Variants in TENM4 observed in about 807,000 individuals in gnomAD.
TENM4 encodes teneurin-4.
A neutral mutation model predicts 243.3 loss-of-function variants in TENM4; 82 were observed. That is an observed-to-expected ratio of 0.34 (90% CI 0.28 to 0.40). TENM4 has a LOEUF of 0.40. TENM4 is among the 10% of genes least tolerant of loss of function. The pLI is 1.00. For missense variants in TENM4, 3,138 were observed against 3,673.3 expected, an observed-to-expected ratio of 0.85 and a Z score of 3.77; for synonymous variants, 1,412 against 1,456.3, an observed-to-expected ratio of 0.97 and a Z score of 0.69.
chr11:79,013,244 C>T (rs1024125921), intron 6 of TENM4, among the ~76,000 whole-genome samples: 2 of 152,150 alleles, frequency 1.3e-5, no homozygotes, highest in African/African-American at 4.8e-5. Flanking sequence ...GACTATCCTC[C>T]ACCCATTTCC....
chr11:78,898,348 G>A (rs11237651), intron 7 of TENM4, among the ~76,000 whole-genome samples: 4,107 of 152,300 alleles, frequency 0.027, 191 homozygotes, highest in African/African-American at 0.094. Context: ...TCTACCAGCT[G>A]TTATAGTATT....
intron 3 of TENM4, among the ~76,000 whole-genome samples, chr11:79,210,252 T>C (rs972367229): frequency 2.6e-5 from 4 of 152,224 alleles, no homozygotes; most frequent in Non-Finnish European, 5.9e-5. Context: ...ATAATCTCTG[T>C]CACCAGTACC....
intron 6 of TENM4, among the ~76,000 whole-genome samples, chr11:78,997,206 T>A (rs182134906): frequency 6.6e-6 from 1 of 152,314 alleles, no homozygotes; most frequent in East Asian, 1.9e-4. Context: ...GACTTCATCA[T>A]TAGGAAAGTG....
chr11:78,899,571 G>GGGGGAAGAA (rs1565430077), intron 7 of TENM4, among the ~76,000 whole-genome samples: 1 of 79,378 alleles, frequency 1.3e-5, no homozygotes, highest in African/African-American at 4.2e-5. Context: ...GGGGGGGGGG[G>GGGGGAAGAA]AAAAAGAAAA....
intron 15 of TENM4, among the ~76,000 whole-genome samples, chr11:78,789,614 G>T (rs1006730416): frequency 1.1e-4 from 16 of 152,134 alleles, no homozygotes; most frequent in African/African-American, 2.2e-4. Flanking sequence ...CAGCACTTTT[G>T]CCAGGTGGTG....
At chr11:79,116,330 G>A (rs1171406064) in intron 4 of TENM4, among the ~76,000 whole-genome samples, 1 of 152,204 alleles carries the variant, frequency 6.6e-6, no homozygotes, top group Non-Finnish European at 1.5e-5. Context: ...TAAGTAGCTT[G>A]CTCAAACTCA....
chr11:78,666,943 C>T (rs950194888), intron 32 of TENM4, among the ~76,000 whole-genome samples: 1 of 151,958 alleles, frequency 6.6e-6, no homozygotes, highest in African/African-American at 2.4e-5. Context: ...TGGAAAGATG[C>T]AATGTTTTTT....
At chr11:78,661,234 C>G (rs1392298123) in intron 33 of TENM4, among the ~76,000 whole-genome samples, 1 of 152,226 alleles carries the variant, frequency 6.6e-6, no homozygotes, top group Non-Finnish European at 1.5e-5. Flanking sequence ...AAGCTCCTTA[C>G]TGCAGCTTGT....
At chr11:78,726,348 G>T (rs1310979835) in intron 22 of TENM4, 126 bp from the exon 23 acceptor site, 11 of 1,195,046 alleles carry the variant, frequency 9.2e-6, no homozygotes, top group Non-Finnish European at 1.3e-5. Context: ...ATTTCTAAGT[G>T]GCAACCAGAA....
chr11:79,292,583 T>C (rs886842842), intron 2 of TENM4, among the ~76,000 whole-genome samples: 2 of 152,218 alleles, frequency 1.3e-5, no homozygotes, highest in Non-Finnish European at 2.9e-5. Context: ...TGGATTTGAA[T>C]GGTAGCTTCC....
intron 1 of TENM4, among the ~76,000 whole-genome samples, chr11:79,370,569 A>G (rs958620173): frequency 1.3e-5 from 2 of 152,096 alleles, no homozygotes; most frequent in Admixed American, 6.5e-5. Flanking sequence ...AGGAGAAAAA[A>G]CAAAACTCTT....
In TENM4 at chr11:79,025,405, A is replaced by G. The variant is rs574919069; in HGVS notation, c.493+39333T>C. ...TTTTAATAATAATTAATAATAATAGACATCCCCCTAGCTCCGTGAAGTTTT... is the reference window on the plus strand; with the variant it reads ...TTTTAATAATAATTAATAATAATAGGCATCCCCCTAGCTCCGTGAAGTTTT... On this transcript the variant is annotated intron_variant, in intron 6 of 33. Coordinates refer to ENST00000278550, the MANE Select transcript of TENM4 (RefSeq NM_001098816.3). 2.6e-5 allele frequency among the ~76,000 whole-genome samples: 4 copies of G among 152,268 alleles called. No individual in the cohort carries two copies. In the East Asian group the frequency reaches 7.7e-4, roughly 29 times the overall value.
chr11:79,189,576 A>C (rs1320655513), intron 3 of TENM4, among the ~76,000 whole-genome samples: 1 of 152,150 alleles, frequency 6.6e-6, no homozygotes, highest in Admixed American at 6.5e-5. Context: ...AGCTCTTCCC[A>C]TGTCATTTAG....
chr11:78,836,135 G>T (rs898380517), intron 12 of TENM4, among the ~76,000 whole-genome samples: 2 of 152,066 alleles, frequency 1.3e-5, no homozygotes, highest in African/African-American at 4.8e-5. Context: ...AGGTGGATGG[G>T]TCACCTGAGG....
intron 7 of TENM4, among the ~76,000 whole-genome samples, chr11:78,895,993 C>G (rs1855784618): frequency 6.6e-6 from 1 of 152,166 alleles, no homozygotes; most frequent in Non-Finnish European, 1.5e-5. Flanking sequence ...CCTGAACTGC[C>G]TGTAGGAGGG....
rs146136198 is a variant in TENM4, at chr11:79,333,203, G to T, written c.-320-35660C>A. On this transcript the variant is annotated intron_variant, in intron 1 of 33. Transcript: ENST00000278550. The stretch of plus-strand genomic sequence containing the variant: ...TGATAAGGAGAACATTCAAAACAAG[G>T]TCTGTCAGATTTCATGGCCTGCCCA... 5.9e-3 allele frequency among the ~76,000 whole-genome samples: 892 copies of T among 151,954 alleles called. 4 individuals carry two copies. The highest frequency in any genetic ancestry group is 8.9e-3 in the Non-Finnish European group (606 of 67,966).
At position 79,233,843 on chromosome 11, in the gene TENM4, C is replaced by G. The variant is rs541695835; in HGVS notation, c.-264-17934G>C. On this transcript the variant is annotated intron_variant, in intron 2 of 33. Coordinates refer to ENST00000278550, the MANE Select transcript of TENM4 (RefSeq NM_001098816.3). ...AAATAGAAGGCTCTTCTGGCTTAGC[C>G]ATGGTCTGGATCCTTCCAATGAGCG... is the stretch of plus-strand genomic sequence containing the variant. 2.6e-5 allele frequency among the ~76,000 whole-genome samples: 4 copies of G among 152,302 alleles called. No homozygotes were observed. In the South Asian group the frequency reaches 8.3e-4, roughly 32 times the overall value.
At chr11:78,980,690 T>C (rs1188212167) in intron 6 of TENM4, among the ~76,000 whole-genome samples, 1 of 152,158 alleles carries the variant, frequency 6.6e-6, no homozygotes, top group Middle Eastern at 3.2e-3. Flanking sequence ...TGTACAACCG[T>C]GGGCAAAGTT....
intron 1 of TENM4, among the ~76,000 whole-genome samples, chr11:79,350,310 C>T (rs1409405906): frequency 6.6e-6 from 1 of 152,192 alleles, no homozygotes; most frequent in Admixed American, 6.5e-5. Context: ...CTTTGTCTTT[C>T]CCACCCAGGC....
Sources: gnomAD v4.1 joint callset for allele counts (sites outside exome capture counted in the v4.1 genomes callset) on GRCh38, gnomAD v4.1.1 for gene constraint, MANE v1.5 for transcripts, NCBI Gene and HGNC (gene_info 2026-07-23, HGNC 2026-07-21) for gene names.